PCDHGB2: variants seen among roughly 807,000 people sequenced by gnomAD.
PCDHGB2 encodes protocadherin gamma subfamily B, 2.
PCDHGB2 carries 55 observed loss-of-function variants against 59.3 expected under a neutral mutation model. The observed-to-expected ratio is 0.93, with a 90% CI of 0.75 to 1.16. PCDHGB2 has a LOEUF of 1.16. Among genes scored for constraint, PCDHGB2 ranks in the 50% most tolerant of loss-of-function variants. PCDHGB2 has a pLI of 0.00. For synonymous variants in PCDHGB2, 516 were observed against 512.0 expected (o/e 1.01, Z -0.11); for missense variants, 1,228 against 1,198.5 (o/e 1.02, Z -0.36).
At chr5:141,404,647 T>C (rs764645495) in intron 1 of PCDHGB2, 20 of 1,614,190 alleles carry the variant, frequency 1.2e-5, no homozygotes, top group Admixed American at 1.7e-5. Context: ...TCCTGTACCC[T>C]GCCCTCCCCA....
chr5:141,428,341 C>T, intron 1 of PCDHGB2: 1 of 602,086 alleles, frequency 1.7e-6, no homozygotes, highest in Non-Finnish European at 3.0e-6. Flanking sequence ...GCTCTTCTTC[C>T]TCGCAGTGAT....
intron 1 of PCDHGB2, among the ~76,000 whole-genome samples, chr5:141,369,647 A>G (rs987289952): frequency 1.3e-5 from 2 of 152,064 alleles, no homozygotes; most frequent in Admixed American, 6.6e-5. Context: ...TTTTGGGGGG[A>G]GATAATAAAG....
Position 141,432,759 on chromosome 5 carries a change from G to A in PCDHGB2, c.2422-62048G>A. 6.2e-7 allele frequency: 1 copy of A among 1,614,150 alleles called. No individual in the cohort carries two copies. The highest frequency in any genetic ancestry group is 8.5e-7 in the Non-Finnish European group (1 of 1,180,006). On this transcript the variant is annotated intron_variant, in intron 1 of 3. Coordinates refer to ENST00000522605, the MANE Select transcript of PCDHGB2 (RefSeq NM_018923.3). This position sits in a 1 kb window ranked among gnomAD's most constrained non-coding sequence, Gnocchi z 6.0. ...ACGCTCACCGTGGCCGTGGCCGACA[G>A]CATCCCCCAAGTCCTGGCGGACCTC...
At chr5:141,443,538 G>C (rs768723399) in intron 1 of PCDHGB2, among the ~76,000 whole-genome samples, 11 of 152,118 alleles carry the variant, frequency 7.2e-5, no homozygotes. Flanking sequence ...TTTAAAGCTT[G>C]GGAAATTGTT....
intron 1 of PCDHGB2, chr5:141,410,596 T>C: frequency 1.2e-6 from 2 of 1,608,810 alleles, no homozygotes; most frequent in Non-Finnish European, 1.7e-6. Flanking sequence ...AGGATTTGAC[T>C]TCACATCCTG....
At chr5:141,375,253 C>T in intron 1 of PCDHGB2, 1 of 1,613,916 alleles carries the variant, frequency 6.2e-7, no homozygotes, top group East Asian at 2.2e-5. Flanking sequence ...CGAGAAGTCT[C>T]CCATTTGAAT....
intron 1 of PCDHGB2, among the ~76,000 whole-genome samples, chr5:141,475,380 T>A (rs2099362720): frequency 6.6e-6 from 1 of 152,244 alleles, no homozygotes; most frequent in South Asian, 2.1e-4. Flanking sequence ...TACTTTTAAA[T>A]TTTATAAGCC....
At chr5:141,399,971 T>C in intron 1 of PCDHGB2, 1 of 1,612,208 alleles carries the variant, frequency 6.2e-7, no homozygotes, top group Non-Finnish European at 8.5e-7. Flanking sequence ...CTCTTCAGCC[T>C]GGGGCTGCGC....
chr5:141,473,655 G>A (rs2099326380), intron 1 of PCDHGB2, among the ~76,000 whole-genome samples: 1 of 152,182 alleles, frequency 6.6e-6, no homozygotes, highest in Non-Finnish European at 1.5e-5. Context: ...AACAATTTGT[G>A]TGAAGGCCCT....
chr5:141,393,472 C>T lies in PCDHGB2; in HGVS notation c.2421+30916C>T, dbSNP rs575533120. On this transcript the variant is annotated intron_variant, in intron 1 of 3. Coordinates refer to ENST00000522605, the MANE Select transcript of PCDHGB2 (RefSeq NM_018923.3). ...CTCACGGCCTCGGATGGCGGCAAGC[C>T]GCCTCGCTCTAGCACAGTGCGCATC... 3.5e-5 allele frequency: 57 copies of T among 1,614,022 alleles called. 2 individuals carry two copies. The South Asian group carries it at 4.2e-4, about 12-fold the overall frequency.
intron 1 of PCDHGB2, among the ~76,000 whole-genome samples, chr5:141,434,819 A>G (rs2097719619): frequency 6.6e-6 from 1 of 151,946 alleles, no homozygotes; most frequent in Admixed American, 6.6e-5. Flanking sequence ...TATATCCCTT[A>G]GTACACTTGG....
intron 1 of PCDHGB2, chr5:141,420,535 T>C (rs1322301404): frequency 6.2e-6 from 2 of 321,930 alleles, no homozygotes; most frequent in African/African-American, 4.3e-5. Flanking sequence ...CGGTTAAAAA[T>C]ATAAAATACA....
intron 1 of PCDHGB2, chr5:141,423,597 G>A: frequency 6.2e-7 from 1 of 1,613,188 alleles, no homozygotes; most frequent in Non-Finnish European, 8.5e-7. Context: ...AGAAAAGCGA[G>A]CCACTCTTGA....
chr5:141,414,559 T>C (rs1330713312), intron 1 of PCDHGB2: 2 of 1,613,782 alleles, frequency 1.2e-6, no homozygotes, highest in Non-Finnish European at 1.7e-6. Flanking sequence ...AGTCTCCTAC[T>C]TTACCTATAT....
intron 2 of PCDHGB2, 166 bp from the exon 3 acceptor site, chr5:141,505,227 T>C: frequency 1.2e-6 from 1 of 840,112 alleles, no homozygotes; most frequent in Non-Finnish European, 1.4e-6. Context: ...TGTGGGATTC[T>C]GGCTTCTGAA....
chr5:141,459,302 A>G (rs1401348885), intron 1 of PCDHGB2, among the ~76,000 whole-genome samples: 1 of 152,328 alleles, frequency 6.6e-6, no homozygotes, highest in Admixed American at 6.5e-5. Context: ...CCTATAACAT[A>G]TACTATTTTG....
At position 141,491,856 on chromosome 5, in the gene PCDHGB2, C is replaced by T; in HGVS notation, c.2422-2951C>T. 1.4e-6 allele frequency: 2 copies of T among 1,458,728 alleles called. No individual in the cohort carries two copies. Among genetic ancestry groups the T allele is most frequent in the Non-Finnish European group, 1.8e-6 (2 of 1,103,072 alleles). 90.4% of individuals were successfully genotyped at this position (1,458,728 alleles called of 1,614,324 possible). A position where few individuals can be genotyped will look rare whatever the true frequency, so the allele number is the denominator to read the frequency against. ...TCTCGGGATCATTGGACCGTTTGCG[C>T]GAAACCAGAGTGGCCGATTAAGGGA... On this transcript the variant is annotated intron_variant, in intron 1 of 3. Coordinates refer to ENST00000522605, the MANE Select transcript of PCDHGB2 (RefSeq NM_018923.3). The surrounding 1 kb of genome is among the most constrained non-coding windows in gnomAD (Gnocchi z 6.9).
Position 141,476,064 on chromosome 5 carries a change from C to T in PCDHGB2, c.2422-18743C>T, listed in dbSNP as rs1593605493. On this transcript the variant is annotated intron_variant, in intron 1 of 3. Transcript: ENST00000522605. The surrounding 1 kb of genome is among the most constrained non-coding windows in gnomAD (Gnocchi z 7.6). Reference sequence around the variant, plus strand: ...CGCTAACCCGCTGAAAGTTTCTCAGCGAAATCTCAGGGACGATCTGGACCC... The same window carrying T: ...CGCTAACCCGCTGAAAGTTTCTCAGTGAAATCTCAGGGACGATCTGGACCC... 2.0e-6 allele frequency: 3 copies of T among 1,510,080 alleles called. No homozygotes were observed. In the East Asian group the frequency reaches 6.8e-5, roughly 34 times the overall value. 93.5% of individuals were successfully genotyped at this position (1,510,080 alleles called of 1,614,324 possible). A position where few individuals can be genotyped will look rare whatever the true frequency, so the allele number is the denominator to read the frequency against.
chr5:141,457,972 A>AC (rs1198043621), intron 1 of PCDHGB2, among the ~76,000 whole-genome samples: 4 of 152,218 alleles, frequency 2.6e-5, no homozygotes, highest in African/African-American at 9.6e-5. Flanking sequence ...TTAAAGGGAA[A>AC]CACACCCTTT....
Sources: gnomAD v4.1 joint callset for allele counts (sites outside exome capture counted in the v4.1 genomes callset) on GRCh38, gnomAD v4.1.1 for gene constraint, Gnocchi (gnomAD v3.1) non-coding constraint, MANE v1.5 for transcripts, NCBI Gene and HGNC (gene_info 2026-07-23, HGNC 2026-07-21) for gene names.